The following TAOK1 variants were observed in gnomAD, a reference collection of about 807,000 sequenced individuals.
TAOK1 encodes the protein TAO kinase 1.
TAOK1 carries 21 observed loss-of-function variants against 138.3 expected under a neutral mutation model. The observed-to-expected ratio is 0.15, with a 90% CI of 0.11 to 0.22. The LOEUF is 0.22. TAOK1 is among the 10% of genes least tolerant of loss of function. The pLI, the probability that TAOK1 is intolerant of heterozygous loss-of-function variation, is 1.00. For missense variants in TAOK1, 651 were observed against 1,227.7 expected, an observed-to-expected ratio of 0.53 and a Z score of 7.02; for synonymous variants, 361 against 398.4, an observed-to-expected ratio of 0.91 and a Z score of 1.12.
chr17:29,400,354 C>T (rs1904800046), intron 1 of TAOK1, among the ~76,000 whole-genome samples: 1 of 144,476 alleles, frequency 6.9e-6, no homozygotes, highest in South Asian at 2.2e-4. Context: ...CGCGCCATTG[C>T]ACTCCAGCCT....
chr17:29,395,102 T>TG (rs1046132496), intron 1 of TAOK1, among the ~76,000 whole-genome samples: 1 of 149,052 alleles, frequency 6.7e-6, no homozygotes, highest in Non-Finnish European at 1.5e-5. Flanking sequence ...AAAATATTAG[T>TG]GGGGCGTGAT....
chr17:29,486,403 C>T (rs772853695), intron 8 of TAOK1, among the ~76,000 whole-genome samples: 12 of 151,966 alleles, frequency 7.9e-5, no homozygotes, highest in Admixed American at 6.6e-5. Flanking sequence ...GAGGCCAAGG[C>T]GGGCAAATCA....
chr17:29,507,047 T>C (rs760117093), intron 13 of TAOK1, among the ~76,000 whole-genome samples: 1 of 152,148 alleles, frequency 6.6e-6, no homozygotes, highest in Non-Finnish European at 1.5e-5. Context: ...AGTATATCTA[T>C]AGAGACAAAA....
At chr17:29,462,370 T>G (rs1002715358) in intron 2 of TAOK1, among the ~76,000 whole-genome samples, 9 of 152,144 alleles carry the variant, frequency 5.9e-5, no homozygotes, top group Non-Finnish European at 7.4e-5. Context: ...ACACCTTAAA[T>G]AGAACCAATG....
At chr17:29,468,437 T>A (rs1369342892) in intron 3 of TAOK1, among the ~76,000 whole-genome samples, 2 of 152,016 alleles carry the variant, frequency 1.3e-5, no homozygotes, top group Non-Finnish European at 2.9e-5. Context: ...GCTCCCAGCC[T>A]TAATTTTTTA....
At chr17:29,530,356 C>T in intron 17 of TAOK1, 51 bp from the exon 18 acceptor site, 1 of 1,518,872 alleles carries the variant, frequency 6.6e-7, no homozygotes, top group Middle Eastern at 1.7e-4. Context: ...ATACCATATA[C>T]CAAATGCCTT....
At chr17:29,492,722 G>C (rs2031321738) in intron 10 of TAOK1, among the ~76,000 whole-genome samples, 1 of 152,188 alleles carries the variant, frequency 6.6e-6, no homozygotes, top group African/African-American at 2.4e-5. Context: ...AACCTGGGAG[G>C]CGGAGGTAGT....
Position 29,544,861 on chromosome 17 carries a change from T to C in TAOK1, c.*1839T>C, listed in dbSNP as rs2150780752. 1 of 152,348 alleles carries C rather than the reference T, an allele frequency of 6.6e-6. No individual in the cohort carries two copies. The highest frequency in any genetic ancestry group is 2.4e-5 in the African/African-American group (1 of 41,584). 9.4% of individuals were successfully genotyped at this position (152,348 alleles called of 1,614,324 possible). A position where few individuals can be genotyped will look rare whatever the true frequency, so the allele number is the denominator to read the frequency against. ...CTCTAAGTCCCTCTCAATGGCACTC[T>C]TTGCCTAGACCAAACTAATGACCAA... On this transcript the variant is annotated 3_prime_UTR_variant, in exon 20 of 20. Coordinates refer to ENST00000261716, the MANE Select transcript of TAOK1 (RefSeq NM_020791.4).
rs1391897656 is a variant in TAOK1 at position 29,522,399 on chromosome 17, G to A, written c.2028G>A (p.Glu676=). ...HLNTIQKMRC[E]LIRLQHQTEL... ...ACACAATTCAGAAGATGCGCTGTGA[G>A]TTGATCAGATTACAGCATCAAACTG... is the stretch of plus-strand genomic sequence containing the variant. Residue 676 remains glutamate (E), a synonymous_variant, in exon 17 of 20, where the codon GAG becomes GAA. Coordinates refer to ENST00000261716, the MANE Select transcript of TAOK1 (RefSeq NM_020791.4). 1 of 1,614,210 alleles carries A rather than the reference G, an allele frequency of 6.2e-7. No homozygotes were observed. Among genetic ancestry groups the A allele is most frequent in the Non-Finnish European group, 8.5e-7 (1 of 1,180,050 alleles).
At chr17:29,469,402 A>G (rs1002728780) in intron 3 of TAOK1, among the ~76,000 whole-genome samples, 3 of 152,170 alleles carry the variant, frequency 2.0e-5, no homozygotes, top group African/African-American at 4.8e-5. Context: ...ACGTTGTGCA[A>G]CCATTATCAC....
chr17:29,444,263 G>GT (rs1292007489), intron 1 of TAOK1, among the ~76,000 whole-genome samples: 2 of 152,138 alleles, frequency 1.3e-5, no homozygotes, highest in Non-Finnish European at 2.9e-5. Context: ...CTTTCCTGTA[G>GT]TTTTTTCATG....
intron 1 of TAOK1, among the ~76,000 whole-genome samples, chr17:29,448,569 C>A (rs1436042832): frequency 6.6e-6 from 1 of 152,002 alleles, no homozygotes. Context: ...ATTGTGTTGT[C>A]CTTTGGTCTT....
chr17:29,506,995 T>C (rs985410461), intron 13 of TAOK1, among the ~76,000 whole-genome samples: 2 of 152,116 alleles, frequency 1.3e-5, no homozygotes, highest in African/African-American at 4.8e-5. Flanking sequence ...AAACCAGCCA[T>C]AAAAACTCAT....
chr17:29,452,683 G>T (rs892702904), intron 2 of TAOK1, among the ~76,000 whole-genome samples: 3 of 152,086 alleles, frequency 2.0e-5, no homozygotes, highest in Non-Finnish European at 2.9e-5. Context: ...CCTTGGTCTC[G>T]ATGAATTTGC....
intron 1 of TAOK1, among the ~76,000 whole-genome samples, chr17:29,425,613 G>A (rs936972342): frequency 6.6e-6 from 1 of 152,050 alleles, no homozygotes; most frequent in Non-Finnish European, 1.5e-5. Flanking sequence ...TGGGAGAGCT[G>A]AGATTACACC....
At position 29,419,873 on chromosome 17, in the gene TAOK1, T is replaced by A. The variant is rs536302293; in HGVS notation, c.-95+28849T>A. Among the ~76,000 whole-genome samples the A allele has an allele frequency of 4.6e-5, 7 of 152,060 alleles. No individual in the cohort carries two copies. In the East Asian group the frequency reaches 1.4e-3, roughly 29 times the overall value. ...TCATTATGAGTATGTAAACATAAAA[T>A]TGTTTTTTTGTTTGTTTGTTTTTTG... On this transcript the variant is annotated intron_variant, in intron 1 of 19. Coordinates refer to ENST00000261716, the MANE Select transcript of TAOK1 (RefSeq NM_020791.4).
At chr17:29,393,924 C>A (rs942229835) in intron 1 of TAOK1, among the ~76,000 whole-genome samples, 1 of 151,938 alleles carries the variant, frequency 6.6e-6, no homozygotes, top group African/African-American at 2.4e-5. Context: ...AAATAATTAT[C>A]GTATTTTTTA....
At chr17:29,418,431 C>T (rs1905322427) in intron 1 of TAOK1, among the ~76,000 whole-genome samples, 2 of 151,998 alleles carry the variant, frequency 1.3e-5, no homozygotes, top group African/African-American at 4.8e-5. Flanking sequence ...TCTCCAACTC[C>T]TGACCTCAAG....
Position 29,456,129 on chromosome 17 carries a change from C to A in TAOK1, c.132+4449C>A, listed in dbSNP as rs143002865. Among the ~76,000 whole-genome samples the A allele has an allele frequency of 1.0e-3, 154 of 150,482 alleles. 2 individuals carry two copies. In the East Asian group the frequency reaches 0.028, roughly 27 times the overall value. ...TTGGGAGGCCAAGGCAGGCAGATCA[C>A]CTGAGGTCAGGGGTTCGAGACCAGC... On this transcript the variant is annotated intron_variant, in intron 2 of 19. Transcript: ENST00000261716.
Sources: gnomAD v4.1 joint callset for allele counts (sites outside exome capture counted in the v4.1 genomes callset) on GRCh38, gnomAD v4.1.1 for gene constraint, MANE v1.5 for transcripts, NCBI Gene and HGNC (gene_info 2026-07-23, HGNC 2026-07-21) for gene names.